Variants in IL1RAPL1 observed in about 807,000 individuals in gnomAD.
IL1RAPL1 encodes the protein interleukin 1 receptor accessory protein like 1.
A neutral mutation model predicts 48.4 loss-of-function variants in IL1RAPL1; 3 were observed. That is an observed-to-expected ratio of 0.06 (90% CI 0.03 to 0.16). The LOEUF (loss-of-function observed/expected upper bound fraction) is 0.16, where lower values mean the gene tolerates loss of function less well. Ranked by LOEUF, IL1RAPL1 falls within the 10% of genes least tolerant of loss-of-function variation. The pLI is 1.00. For synonymous variants in IL1RAPL1, 185 were observed against 187.7 expected, an observed-to-expected ratio of 0.99 and a Z score of 0.12; for missense variants, 349 against 530.6, an observed-to-expected ratio of 0.66 and a Z score of 3.36.
At chrX:28,678,248 G>A (rs1190924991) in intron 1 of IL1RAPL1, among the ~76,000 whole-genome samples, 3 of 111,335 alleles carry the variant, frequency 2.7e-5, no homozygotes, top group Non-Finnish European at 3.8e-5. Context: ...GTAATCGCCC[G>A]TTGGAAGATC....
At chrX:28,842,150 A>G (rs1468109558) in intron 2 of IL1RAPL1, among the ~76,000 whole-genome samples, 1 of 110,605 alleles carries the variant, frequency 9.0e-6, no homozygotes. Flanking sequence ...ATAATTTGGA[A>G]CCTAAAATGT....
rs775753872 is a variant in IL1RAPL1, at chrX:29,354,124, A to AT, written c.363-42126dup. On this transcript the variant is annotated intron_variant, in intron 3 of 10. Transcript: ENST00000378993. ...TATGATTTTGTCAGATACTGTTATT[A>AT]TTTTTTTTAATACATGAGGACAAAG... 5.4e-5 allele frequency among the ~76,000 whole-genome samples: 6 copies of AT among 110,606 alleles called. No individual in the cohort carries two copies. In the South Asian group the frequency reaches 1.9e-3, roughly 35 times the overall value.
rs188338156 is a variant in IL1RAPL1, at chrX:28,597,621, C to T, written c.-25+9574C>T. Among the ~76,000 whole-genome samples the T allele has an allele frequency of 7.7e-3, 850 of 110,470 alleles. 8 individuals are homozygous for T. Among genetic ancestry groups the T allele is most frequent in the African/African-American group, 0.024 (728 of 30,381 alleles). ...TGGCACATGTCTGTAATCCCAGCTACTTAGGAGGCTGAGGCAGGAGAATTG... is the reference window on the plus strand; with the variant it reads ...TGGCACATGTCTGTAATCCCAGCTATTTAGGAGGCTGAGGCAGGAGAATTG... On this transcript the variant is annotated intron_variant, in intron 1 of 10. Coordinates refer to ENST00000378993, the MANE Select transcript of IL1RAPL1 (RefSeq NM_014271.4).
At chrX:29,627,758 A>G (rs1208714545) in intron 5 of IL1RAPL1, among the ~76,000 whole-genome samples, 1 of 111,776 alleles carries the variant, frequency 8.9e-6, no homozygotes, top group East Asian at 2.8e-4. Flanking sequence ...CTCCATCAGA[A>G]TTAATAGGAA....
intron 3 of IL1RAPL1, among the ~76,000 whole-genome samples, chrX:29,380,497 G>A (rs1933682869): frequency 2.7e-5 from 3 of 112,073 alleles, no homozygotes; most frequent in African/African-American, 9.7e-5. Flanking sequence ...AAAGTGCTGG[G>A]ATTACAGGTG....
intron 2 of IL1RAPL1, among the ~76,000 whole-genome samples, chrX:29,026,649 G>C (rs777020871): frequency 8.9e-6 from 1 of 111,926 alleles, no homozygotes; most frequent in African/African-American, 3.2e-5. Context: ...TGTATTTTCA[G>C]AGAAATTTGA....
At chrX:29,761,328 C>T (rs185769436) in intron 6 of IL1RAPL1, among the ~76,000 whole-genome samples, 29 of 110,835 alleles carry the variant, frequency 2.6e-4, no homozygotes, top group Admixed American at 2.4e-3. Context: ...TTTTATTATA[C>T]AGTATATGAC....
At chrX:28,972,336 T>C (rs1925097551) in intron 2 of IL1RAPL1, among the ~76,000 whole-genome samples, 2 of 112,133 alleles carry the variant, frequency 1.8e-5, no homozygotes, top group African/African-American at 3.2e-5. Flanking sequence ...GCTTTGAAGA[T>C]AGGGTATTGT....
chrX:29,006,647 ATGTGTGTG>A (rs547186942), intron 2 of IL1RAPL1, among the ~76,000 whole-genome samples: 164 of 76,911 alleles, frequency 2.1e-3, no homozygotes, highest in African/African-American at 4.2e-3. Flanking sequence ...GTTTATATAT[ATGTGTGTG>A]TGTGTGTGTG....
chrX:28,945,407 A>C (rs1262212125), intron 2 of IL1RAPL1, among the ~76,000 whole-genome samples: 1 of 111,689 alleles, frequency 9.0e-6, no homozygotes, highest in Non-Finnish European at 1.9e-5. Context: ...ACACCATGGA[A>C]TACTATGCAG....
At chrX:28,941,526 G>T (rs2147349209) in intron 2 of IL1RAPL1, among the ~76,000 whole-genome samples, 1 of 111,467 alleles carries the variant, frequency 9.0e-6, no homozygotes, top group African/African-American at 3.2e-5. Flanking sequence ...TCTATACTGA[G>T]CAAGCATGCC....
intron 5 of IL1RAPL1, among the ~76,000 whole-genome samples, chrX:29,416,473 G>A (rs1158288969): frequency 9.0e-6 from 1 of 111,010 alleles, no homozygotes; most frequent in Non-Finnish European, 1.9e-5. Context: ...GGGGGCAGAG[G>A]TTGCAGTGAG....
chrX:29,267,600 G>A (rs767846943), intron 2 of IL1RAPL1, among the ~76,000 whole-genome samples: 2 of 111,007 alleles, frequency 1.8e-5, no homozygotes, highest in South Asian at 7.6e-4. Context: ...TTCTAATAGT[G>A]GAAGAATTTT....
intron 2 of IL1RAPL1, among the ~76,000 whole-genome samples, chrX:29,102,169 C>T (rs767257708): frequency 1.7e-4 from 19 of 110,427 alleles, no homozygotes; most frequent in Non-Finnish European, 3.0e-4. Context: ...ATAGATGGAA[C>T]GTACTTCAAC....
intron 1 of IL1RAPL1, among the ~76,000 whole-genome samples, chrX:28,709,079 T>G (rs776927096): frequency 1.2e-4 from 14 of 112,198 alleles, no homozygotes; most frequent in African/African-American, 4.5e-4. Flanking sequence ...AGTCAACAGT[T>G]TGATTGCCTT....
chrX:28,778,031 G>C (rs969795188), intron 1 of IL1RAPL1, among the ~76,000 whole-genome samples: 5 of 111,602 alleles, frequency 4.5e-5, no homozygotes, highest in African/African-American at 1.6e-4. Context: ...TTGGCATCAC[G>C]TGGGTCATCA....
At chrX:28,992,277 G>A (rs961578632) in intron 2 of IL1RAPL1, among the ~76,000 whole-genome samples, 6 of 110,958 alleles carry the variant, frequency 5.4e-5, no homozygotes, top group Non-Finnish European at 7.5e-5. Context: ...ATTACCTGAA[G>A]TCAGGAGTTT....
chrX:28,779,640 A>ATGTG lies in IL1RAPL1; in HGVS notation c.-24-9679_-24-9678insGTGT, dbSNP rs1283631618. Reference sequence around the variant, plus strand: ...ATTATGTGTGTGTGTGTGTGTATATATATATATATATATATATATATATAT... The same window carrying ATGTG: ...ATTATGTGTGTGTGTGTGTGTATATATGTGTATATATATATATATATATATATAT... On this transcript the variant is annotated intron_variant, in intron 1 of 10. Coordinates refer to ENST00000378993, the MANE Select transcript of IL1RAPL1 (RefSeq NM_014271.4). Among the ~76,000 whole-genome samples the ATGTG allele has an allele frequency of 1.6e-3, 100 of 61,340 alleles. 1 individual carries two copies. Among genetic ancestry groups the ATGTG allele is most frequent in the African/African-American group, 4.9e-3 (70 of 14,275 alleles). 53.3% of individuals were successfully genotyped at this position (61,340 alleles called of 115,157 possible). A position where few individuals can be genotyped will look rare whatever the true frequency, so the allele number is the denominator to read the frequency against.
At chrX:29,061,522 G>A (rs1927340688) in intron 2 of IL1RAPL1, among the ~76,000 whole-genome samples, 1 of 111,995 alleles carries the variant, frequency 8.9e-6, no homozygotes, top group Admixed American at 9.4e-5. Context: ...GCAGTGGCAC[G>A]ATCTCAGCTC....
Sources: gnomAD v4.1 joint callset for allele counts (sites outside exome capture counted in the v4.1 genomes callset) on GRCh38, gnomAD v4.1.1 for gene constraint, MANE v1.5 for transcripts, NCBI Gene and HGNC (gene_info 2026-07-23, HGNC 2026-07-21) for gene names.